The following MCUB variants were observed in gnomAD, a reference collection of about 807,000 sequenced individuals.
The protein encoded by MCUB is mitochondrial calcium uniporter dominant negative subunit beta, also known as calcium uniporter regulatory subunit MCUb, mitochondrial.
MCUB carries 46 observed loss-of-function variants against 41.4 expected under a neutral mutation model. The ratio of observed to expected loss-of-function variants is 1.11; its 90% CI spans 0.88 to 1.42. The LOEUF (loss-of-function observed/expected upper bound fraction) is 1.42. MCUB is among the 40% of genes most tolerant of loss of function. The pLI, the probability that MCUB is intolerant of heterozygous loss-of-function variation, is 0.00. For missense variants in MCUB, 403 were observed against 404.9 expected (o/e 1.00, Z 0.04); for synonymous variants, 148 against 148.2 (o/e 1.00, Z 0.01).
chr4:109,654,178 T>C (rs941336839), intron 1 of MCUB, among the ~76,000 whole-genome samples: 2 of 152,182 alleles, frequency 1.3e-5, no homozygotes, highest in Non-Finnish European at 2.9e-5. Context: ...AGATTCTAAG[T>C]AGGAATTTAT....
At chr4:109,594,010 G>T (rs140154449) in intron 1 of MCUB, among the ~76,000 whole-genome samples, 1 of 152,156 alleles carries the variant, frequency 6.6e-6, no homozygotes, top group Admixed American at 6.5e-5. Flanking sequence ...ACCTTGACTT[G>T]TTCCTTGACA....
Position 109,664,308 on chromosome 4 carries a change from C to A in MCUB, c.365C>A (p.Ala122Asp). 1 of 1,560,226 alleles carries A rather than the reference C, an allele frequency of 6.4e-7. No homozygotes were observed. The highest frequency in any genetic ancestry group is 8.8e-7 in the Non-Finnish European group (1 of 1,131,264). ...IFTADGNMIS[A>D]STLMDILLMN... ...CTTTCAGATGGCAACATGATTTCAGCTTCTACCTTGATGGATATTTTGCTA... is the reference window on the plus strand; with the variant it reads ...CTTTCAGATGGCAACATGATTTCAGATTCTACCTTGATGGATATTTTGCTA... The change falls in exon 4 of 8, where the codon GCT (alanine) becomes GAT (aspartate). Residue 122 changes from alanine to aspartate, a missense_variant. Transcript: ENST00000394650.
chr4:109,606,600 C>G (rs1727876321), intron 1 of MCUB, among the ~76,000 whole-genome samples: 1 of 152,068 alleles, frequency 6.6e-6, no homozygotes, highest in South Asian at 2.1e-4. Context: ...AAACTGGTGA[C>G]AACTTAACAT....
intron 1 of MCUB, among the ~76,000 whole-genome samples, chr4:109,629,124 A>C (rs1014368103): frequency 6.6e-6 from 1 of 151,774 alleles, no homozygotes; most frequent in Non-Finnish European, 1.5e-5. Flanking sequence ...CTTTTCTTTT[A>C]TTTTTTCTAA....
intron 1 of MCUB, among the ~76,000 whole-genome samples, chr4:109,583,455 A>G (rs1391162336): frequency 1.3e-5 from 2 of 152,040 alleles, no homozygotes; most frequent in Non-Finnish European, 2.9e-5. Context: ...GCTTAAGGAG[A>G]TTTTGGGCTG....
At chr4:109,581,500 G>A (rs1221515740) in intron 1 of MCUB, among the ~76,000 whole-genome samples, 4 of 151,942 alleles carry the variant, frequency 2.6e-5, no homozygotes, top group Admixed American at 1.3e-4. Flanking sequence ...AAACACCACA[G>A]GCAATGGCAA....
At chr4:109,579,807 T>TAA (rs1274219850) in intron 1 of MCUB, among the ~76,000 whole-genome samples, 1 of 152,156 alleles carries the variant, frequency 6.6e-6, no homozygotes, top group Admixed American at 6.5e-5. Flanking sequence ...AAATGATATT[T>TAA]AAAGTCTGAC....
intron 1 of MCUB, among the ~76,000 whole-genome samples, chr4:109,576,193 AAC>A (rs1252212993): frequency 6.6e-6 from 1 of 152,182 alleles, no homozygotes; most frequent in East Asian, 1.9e-4. Context: ...ACCTCAATAT[AAC>A]ACTCCAGTTC....
intron 1 of MCUB, among the ~76,000 whole-genome samples, chr4:109,631,066 C>T (rs1015782603): frequency 6.6e-6 from 1 of 152,180 alleles, no homozygotes; most frequent in African/African-American, 2.4e-5. Flanking sequence ...TGCCTAGATA[C>T]TCAATTTCTG....
intron 1 of MCUB, among the ~76,000 whole-genome samples, chr4:109,654,965 T>C (rs1729057255): frequency 6.6e-6 from 1 of 152,122 alleles, no homozygotes; most frequent in Non-Finnish European, 1.5e-5. Flanking sequence ...AGTTAATAGC[T>C]TAGTGCCACA....
rs545648915 is a variant in MCUB at position 109,644,470 on chromosome 4, A to G, written c.100-14541A>G. 5.9e-5 allele frequency among the ~76,000 whole-genome samples: 9 copies of G among 152,328 alleles called. No individual in the cohort carries two copies. In the East Asian group the frequency reaches 1.7e-3, roughly 29 times the overall value. Reference sequence around the variant, plus strand: ...ACCTCATTAAAAACTTTGCATAAACAAAGTAATTTAAATAGCTCTATCACA... The same window carrying G: ...ACCTCATTAAAAACTTTGCATAAACGAAGTAATTTAAATAGCTCTATCACA... On this transcript the variant is annotated intron_variant, in intron 1 of 7. Transcript: ENST00000394650.
chr4:109,563,094 G>C (rs970677585), intron 1 of MCUB, among the ~76,000 whole-genome samples: 2 of 152,182 alleles, frequency 1.3e-5, no homozygotes, highest in Non-Finnish European at 2.9e-5. Context: ...TGATGTTTCT[G>C]TGCACAAAGA....
At chr4:109,624,968 C>T (rs1160440858) in intron 1 of MCUB, among the ~76,000 whole-genome samples, 2 of 151,930 alleles carry the variant, frequency 1.3e-5, no homozygotes, top group African/African-American at 2.4e-5. Flanking sequence ...GGTGAACCCC[C>T]GCCTCTACTA....
chr4:109,590,797 A>G (rs1407812315), intron 1 of MCUB, among the ~76,000 whole-genome samples: 2 of 152,208 alleles, frequency 1.3e-5, no homozygotes, highest in Non-Finnish European at 2.9e-5. Context: ...TGTTATCATA[A>G]TCTTAGCTTA....
chr4:109,571,349 G>A (rs2126124569), intron 1 of MCUB, among the ~76,000 whole-genome samples: 1 of 152,166 alleles, frequency 6.6e-6, no homozygotes, highest in East Asian at 1.9e-4. Flanking sequence ...GTCTCACTCT[G>A]TCACCCAGGC....
In MCUB at chr4:109,580,845, T is replaced by C. The variant is rs1727155376; in HGVS notation, c.99+20409T>C. On this transcript the variant is annotated intron_variant, in intron 1 of 7. Transcript: ENST00000394650. ...GTAGGTTGTCTGTTCACTCTGATGG[T>C]AGTTTCTTTTGCTGTGCAGAAGCTC... Among the ~76,000 whole-genome samples the C allele has an allele frequency of 2.0e-5, 3 of 152,348 alleles. No homozygotes were observed. In the South Asian group the frequency reaches 6.2e-4, roughly 32 times the overall value.
chr4:109,680,575 A>T (rs896350442), intron 4 of MCUB, among the ~76,000 whole-genome samples: 3 of 148,820 alleles, frequency 2.0e-5, no homozygotes, highest in Non-Finnish European at 4.4e-5. Flanking sequence ...TTTCATTAAC[A>T]AAAGGACTCT....
intron 1 of MCUB, among the ~76,000 whole-genome samples, chr4:109,644,265 A>G (rs1348111296): frequency 6.6e-6 from 1 of 152,238 alleles, no homozygotes; most frequent in Admixed American, 6.5e-5. Context: ...AAAACTAAAA[A>G]TATGACGGAA....
At chr4:109,593,137 T>C (rs1456312951) in intron 1 of MCUB, among the ~76,000 whole-genome samples, 1 of 152,134 alleles carries the variant, frequency 6.6e-6, no homozygotes, top group Admixed American at 6.5e-5. Context: ...ATCTTTCTCG[T>C]GTGTTAGCAG....
Sources: gnomAD v4.1 joint callset for allele counts (sites outside exome capture counted in the v4.1 genomes callset) on GRCh38, gnomAD v4.1.1 for gene constraint, MANE v1.5 for transcripts, NCBI Gene and HGNC (gene_info 2026-07-23, HGNC 2026-07-21) for gene names.